SPOPL: variants seen among roughly 807,000 people sequenced by gnomAD.
The protein encoded by SPOPL is speckle-type POZ protein-like.
In SPOPL, 23 loss-of-function variants were observed where a neutral mutation model predicts 53.8. The observed-to-expected ratio is 0.43, with a 90% CI of 0.31 to 0.61. The LOEUF (loss-of-function observed/expected upper bound fraction) is 0.61. SPOPL is among the 20% of genes least tolerant of loss of function. The pLI, the probability that SPOPL is intolerant of heterozygous loss-of-function variation, is 0.12. For synonymous variants in SPOPL, 164 were observed against 149.7 expected, an observed-to-expected ratio of 1.10 and a Z score of -0.70; for missense variants, 442 against 466.9, an observed-to-expected ratio of 0.95 and a Z score of 0.49.
intron 1 of SPOPL, among the ~76,000 whole-genome samples, chr2:138,509,367 G>A (rs1369687454): frequency 6.6e-6 from 1 of 152,000 alleles, no homozygotes; most frequent in Non-Finnish European, 1.5e-5. Context: ...AAGATTGATA[G>A]TATATCTAAA....
At chr2:138,543,012 T>C (rs528042086) in intron 1 of SPOPL, among the ~76,000 whole-genome samples, 1 of 152,352 alleles carries the variant, frequency 6.6e-6, no homozygotes, top group South Asian at 2.1e-4. Context: ...CTTGGCTGGA[T>C]GTGAAATTCT....
At chr2:138,568,862 T>G (rs1162769486) in intron 10 of SPOPL, 74 bp from the exon 11 acceptor site, 1 of 1,504,636 alleles carries the variant, frequency 6.6e-7, no homozygotes, top group South Asian at 1.2e-5. Context: ...TTGCAAGTTT[T>G]TAAGAAATTA....
At chr2:138,536,886 A>G (rs1400571974) in intron 1 of SPOPL, among the ~76,000 whole-genome samples, 35 of 152,212 alleles carry the variant, frequency 2.3e-4, no homozygotes, top group Non-Finnish European at 4.4e-5. Context: ...GGAGGAAGGA[A>G]CAATGGTATT....
intron 5 of SPOPL, among the ~76,000 whole-genome samples, chr2:138,553,190 G>C (rs1271698707): frequency 6.6e-6 from 1 of 152,026 alleles, no homozygotes; most frequent in Non-Finnish European, 1.5e-5. Flanking sequence ...ATATGCCCGT[G>C]TCTATTGACA....
chr2:138,530,832 G>T (rs765544829), intron 1 of SPOPL, among the ~76,000 whole-genome samples: 4 of 151,880 alleles, frequency 2.6e-5, no homozygotes, highest in Non-Finnish European at 4.4e-5. Flanking sequence ...TAAGGTACTG[G>T]ATAGGACCTC....
intron 1 of SPOPL, among the ~76,000 whole-genome samples, chr2:138,522,789 C>G (rs1684586327): frequency 6.6e-6 from 1 of 152,192 alleles, no homozygotes; most frequent in Non-Finnish European, 1.5e-5. Context: ...ATTTAGTACA[C>G]ATTTTAGTCA....
chr2:138,562,200 A>G (rs754492628), intron 8 of SPOPL, among the ~76,000 whole-genome samples: 1 of 151,318 alleles, frequency 6.6e-6, no homozygotes, highest in Non-Finnish European at 1.5e-5. Context: ...AAGCTGATTT[A>G]AAATTTTATT....
intron 1 of SPOPL, among the ~76,000 whole-genome samples, chr2:138,532,420 CTTTTTTTTTTTTTTT>C (rs769229731): frequency 1.9e-5 from 1 of 53,222 alleles, no homozygotes; most frequent in Non-Finnish European, 3.4e-5. Flanking sequence ...TTTTTGTTCG[CTTTTTTTTTTTTTTT>C]TTTTTTTTTG....
At chr2:138,539,829 G>C (rs1017220223) in intron 1 of SPOPL, among the ~76,000 whole-genome samples, 10 of 152,096 alleles carry the variant, frequency 6.6e-5, no homozygotes, top group East Asian at 1.9e-4. Flanking sequence ...TTGCCCATGC[G>C]TATGTCCTGA....
At position 138,569,787 on chromosome 2, in the gene SPOPL, C is replaced by T. The variant is rs1381037606; in HGVS notation, c.*707C>T. On this transcript the variant is annotated 3_prime_UTR_variant, in exon 11 of 11. Transcript: ENST00000280098. ...TGAGGTTAAGATTTCATGAAGAAAG[C>T]ATGTATTGTGTGGAAGTAATTTTTT... is the stretch of plus-strand genomic sequence containing the variant. 1.3e-5 allele frequency: 2 copies of T among 152,448 alleles called. No individual in the cohort carries two copies. The highest frequency in any genetic ancestry group is 2.9e-5 in the Non-Finnish European group (2 of 68,016). 9.4% of individuals were successfully genotyped at this position (152,448 alleles called of 1,614,324 possible). A position where few individuals can be genotyped will look rare whatever the true frequency, so the allele number is the denominator to read the frequency against.
chr2:138,535,818 A>G (rs539140005), intron 1 of SPOPL, among the ~76,000 whole-genome samples: 4 of 151,040 alleles, frequency 2.6e-5, no homozygotes, highest in Non-Finnish European at 4.4e-5. Context: ...GAAGATGTTC[A>G]TTTTTCTTCA....
In SPOPL at chr2:138,571,565, G is replaced by A. The variant is rs538529165; in HGVS notation, c.*2485G>A. The A allele has an allele frequency of 9.8e-5, 15 of 152,340 alleles. No homozygotes were observed. The highest frequency in any genetic ancestry group is 5.2e-4 in the Admixed American group (8 of 15,258). 9.4% of individuals were successfully genotyped at this position (152,340 alleles called of 1,614,324 possible). ...TTTTTTATTTATTATGTATATTTTT[G>A]GTATTGTGGGTTCTTGAGGCAATGA... On this transcript the variant is annotated 3_prime_UTR_variant, in exon 11 of 11. Coordinates refer to ENST00000280098, the MANE Select transcript of SPOPL (RefSeq NM_001001664.3).
At chr2:138,529,536 T>TGTGCGCGCGCG (rs72375808) in intron 1 of SPOPL, among the ~76,000 whole-genome samples, 21 of 97,586 alleles carry the variant, frequency 2.2e-4, no homozygotes, top group South Asian at 3.7e-4. Context: ...GTGTGTGTGT[T>TGTGCGCGCGCG]TGCGTGCGCG....
In SPOPL at chr2:138,569,229, G is replaced by A; in HGVS notation, c.*149G>A. Reference sequence around the variant, plus strand: ...AAAGCATATTGCTTGCATTTCAGGTGGATAATTTATGGTTTATTCTTCAGC... The same window carrying A: ...AAAGCATATTGCTTGCATTTCAGGTAGATAATTTATGGTTTATTCTTCAGC... On this transcript the variant is annotated 3_prime_UTR_variant, in exon 11 of 11. Coordinates refer to ENST00000280098, the MANE Select transcript of SPOPL (RefSeq NM_001001664.3). 1 of 852,082 alleles carries A rather than the reference G, an allele frequency of 1.2e-6. No homozygotes were observed. The highest frequency in any genetic ancestry group is 1.8e-6 in the Non-Finnish European group (1 of 550,360). 52.8% of individuals were successfully genotyped at this position (852,082 alleles called of 1,614,324 possible).
At chr2:138,519,908 T>A (rs1478531771) in intron 1 of SPOPL, among the ~76,000 whole-genome samples, 2 of 152,200 alleles carry the variant, frequency 1.3e-5, no homozygotes, top group Non-Finnish European at 2.9e-5. Flanking sequence ...ATGGGTGGCA[T>A]TTTTTGTGAA....
chr2:138,562,925 GA>G (rs914285141), intron 8 of SPOPL, among the ~76,000 whole-genome samples: 9 of 151,244 alleles, frequency 6.0e-5, no homozygotes, highest in South Asian at 2.1e-4. Context: ...TTCTGTAAAA[GA>G]AAAAAAATGA....
chr2:138,510,495 C>T (rs566122325), intron 1 of SPOPL, among the ~76,000 whole-genome samples: 27 of 152,124 alleles, frequency 1.8e-4, no homozygotes, highest in Non-Finnish European at 3.7e-4. Context: ...GCTGGATCGG[C>T]CCATTTCTGT....
chr2:138,513,436 C>T (rs1487283046), intron 1 of SPOPL, among the ~76,000 whole-genome samples: 1 of 152,100 alleles, frequency 6.6e-6, no homozygotes, highest in African/African-American at 2.4e-5. Flanking sequence ...ACCTGTAATC[C>T]CAGCTACTCG....
intron 8 of SPOPL, among the ~76,000 whole-genome samples, chr2:138,563,201 AG>A (rs1472358893): frequency 6.6e-6 from 1 of 152,122 alleles, no homozygotes; most frequent in Non-Finnish European, 1.5e-5. Flanking sequence ...ATTCTAGTCA[AG>A]CATGGTGGCT....
Sources: gnomAD v4.1 joint callset for allele counts (sites outside exome capture counted in the v4.1 genomes callset) on GRCh38, gnomAD v4.1.1 for gene constraint, MANE v1.5 for transcripts, NCBI Gene and HGNC (gene_info 2026-07-23, HGNC 2026-07-21) for gene names.